The following MTNR1A variants were observed in gnomAD, a reference collection of about 807,000 sequenced individuals.
MTNR1A encodes melatonin receptor 1A.
A neutral mutation model predicts 5.5 loss-of-function variants in MTNR1A; 7 were observed. The observed-to-expected ratio is 1.28, with a 90% CI of 0.73 to 2.40. MTNR1A has a LOEUF of 2.40. Among genes scored for constraint, MTNR1A ranks in the 30% most tolerant of loss-of-function variants. The pLI, the probability that MTNR1A is intolerant of heterozygous loss-of-function variation, is 0.00. For missense variants in MTNR1A, 441 were observed against 464.4 expected, an observed-to-expected ratio of 0.95 and a Z score of 0.46; for synonymous variants, 196 against 202.7, an observed-to-expected ratio of 0.97 and a Z score of 0.28.
At position 186,533,962 on chromosome 4, in the gene MTNR1A, G is replaced by A. The variant is rs759350166; in HGVS notation, c.780C>T (p.Ala260=). 13 of 1,613,990 alleles carry A rather than the reference G, an allele frequency of 8.1e-6. No individual in the cohort carries two copies. Among genetic ancestry groups the A allele is most frequent in the East Asian group, 2.2e-5 (1 of 44,894 alleles). The change falls in exon 2 of 2, where the codon GCC becomes GCT. Residue 260 remains alanine, a synonymous_variant. Transcript: ENST00000307161. ...CWAPLNFIGL[A]VASDPASMVP... is the part of the protein sequence containing the mutation. ...CCATGCTGGCGGGGTCAGAGGCCAC[G>A]GCCAGGCCAATGAAGTTCAGAGGAG...
chr4:186,548,832 T>TATATAG (rs1737209125), intron 1 of MTNR1A, among the ~76,000 whole-genome samples: 1 of 101,338 alleles, frequency 9.9e-6, no homozygotes, highest in Non-Finnish European at 2.0e-5. Context: ...TATATATATA[T>TATATAG]ATATATATAT....
rs1737351818 is a variant in MTNR1A at position 186,555,442 on chromosome 4, C to T, written c.-77G>A. The T allele has an allele frequency of 2.5e-6, 3 of 1,205,550 alleles. No homozygotes were observed. The highest frequency in any genetic ancestry group is 2.1e-6 in the Non-Finnish European group (2 of 952,630). 74.7% of individuals were successfully genotyped at this position (1,205,550 alleles called of 1,614,324 possible). ...CCCGACCACTTGTTAAGGCTCCGCC[C>T]GGCGCTCCCCGCGCCCACGCCCCAT... On this transcript the variant is annotated 5_prime_UTR_variant, in exon 1 of 2. Coordinates refer to ENST00000307161, the MANE Select transcript of MTNR1A (RefSeq NM_005958.4). This position sits in a 1 kb window ranked among gnomAD's most constrained non-coding sequence, Gnocchi z 4.1.
chr4:186,550,636 A>G (rs1223328665), intron 1 of MTNR1A, among the ~76,000 whole-genome samples: 1 of 152,198 alleles, frequency 6.6e-6, no homozygotes, highest in Non-Finnish European at 1.5e-5. Flanking sequence ...ATCTAGGACT[A>G]TTTTATCCTA....
intron 1 of MTNR1A, among the ~76,000 whole-genome samples, chr4:186,544,305 C>G (rs113813635): frequency 0.011 from 1,715 of 152,326 alleles, 36 homozygotes; most frequent in African/African-American, 0.039. Context: ...AGGCGTGAGC[C>G]ACCATGCCCG....
At chr4:186,540,897 T>TGA (rs1737007110) in intron 1 of MTNR1A, among the ~76,000 whole-genome samples, 1 of 51,220 alleles carries the variant, frequency 2.0e-5, no homozygotes, top group African/African-American at 1.0e-4. Context: ...GTGCTGTCTG[T>TGA]CTGAAGGACC....
chr4:186,555,083 T>A lies in MTNR1A; in HGVS notation c.184+99A>T. Reference sequence around the variant, plus strand: ...AGGAAAAATAACTCCAAGTCCGCAGTGTTTAGGAAAAAGAACCAAGTGCTT... The same window carrying A: ...AGGAAAAATAACTCCAAGTCCGCAGAGTTTAGGAAAAAGAACCAAGTGCTT... On this transcript the variant is annotated intron_variant, in intron 1 of 1. Transcript: ENST00000307161. The surrounding 1 kb of genome is among the most constrained non-coding windows in gnomAD (Gnocchi z 4.1). The A allele has an allele frequency of 7.8e-7, 1 of 1,279,128 alleles. No homozygotes were observed. Among genetic ancestry groups the A allele is most frequent in the Admixed American group, 2.0e-5 (1 of 50,132 alleles). 79.2% of individuals were successfully genotyped at this position (1,279,128 alleles called of 1,614,324 possible).
In MTNR1A at chr4:186,555,306, G is replaced by T; in HGVS notation, c.60C>A (p.Gly20=). ...NASQPVLRGD[G]ARPSWLASAL... ...CGGACGCCAGCCACGAGGGCCGCGCGCCGTCCCCGCGGAGCACGGGCTGGG... is the reference window on the plus strand; with the variant it reads ...CGGACGCCAGCCACGAGGGCCGCGCTCCGTCCCCGCGGAGCACGGGCTGGG... Residue 20 remains glycine (G), a synonymous_variant, in exon 1 of 2, where the codon GGC becomes GGA. Coordinates refer to ENST00000307161, the MANE Select transcript of MTNR1A (RefSeq NM_005958.4). This position sits in a 1 kb window ranked among gnomAD's most constrained non-coding sequence, Gnocchi z 4.1. 1 of 1,547,476 alleles carries T rather than the reference G, an allele frequency of 6.5e-7. No individual in the cohort carries two copies. Among genetic ancestry groups the T allele is most frequent in the South Asian group, 1.2e-5 (1 of 83,918 alleles).
intron 1 of MTNR1A, among the ~76,000 whole-genome samples, chr4:186,552,861 AT>A: frequency 6.6e-6 from 1 of 152,348 alleles, no homozygotes; most frequent in East Asian, 1.9e-4. Flanking sequence ...CTATTATCAA[AT>A]TGTGGACAAG....
rs146810987 is a variant in MTNR1A, at chr4:186,555,087, T to G, written c.184+95A>C. On this transcript the variant is annotated intron_variant, in intron 1 of 1. Transcript: ENST00000307161. The surrounding 1 kb of genome is among the most constrained non-coding windows in gnomAD (Gnocchi z 4.1). The stretch of plus-strand genomic sequence containing the variant: ...AAAATAACTCCAAGTCCGCAGTGTT[T>G]AGGAAAAAGAACCAAGTGCTTGGGG... 118 of 1,323,036 alleles carry G rather than the reference T, an allele frequency of 8.9e-5. No homozygotes were observed. The African/African-American group carries it at 1.6e-3, about 18-fold the overall frequency. The allele number at this position is 1,323,036 out of a possible 1,614,324, so 82.0% of individuals were successfully genotyped here. A position where few individuals can be genotyped will look rare whatever the true frequency, so the allele number is the denominator to read the frequency against.
intron 1 of MTNR1A, among the ~76,000 whole-genome samples, chr4:186,548,483 T>TTACACATCAGA (rs1737201296): frequency 6.6e-6 from 1 of 152,036 alleles, no homozygotes; most frequent in African/African-American, 2.4e-5. Context: ...AAAAATATGT[T>TTACACATCAGA]TACACATCAG....
intron 1 of MTNR1A, among the ~76,000 whole-genome samples, chr4:186,546,792 G>A (rs1737157271): frequency 2.1e-5 from 3 of 145,830 alleles, no homozygotes; most frequent in African/African-American, 5.3e-5. Context: ...CCCTGTTCAT[G>A]GGACACACCG....
In MTNR1A at chr4:186,536,343, T is replaced by C. The variant is rs530765130; in HGVS notation, c.185-1786A>G. On this transcript the variant is annotated intron_variant, in intron 1 of 1. Transcript: ENST00000307161. Reference sequence around the variant, plus strand: ...CCTGGGTGACAAGAGCAAAACTCCGTATCAAAAAAAAAAAAGAAAAAAAAG... The same window carrying C: ...CCTGGGTGACAAGAGCAAAACTCCGCATCAAAAAAAAAAAAGAAAAAAAAG... Among the ~76,000 whole-genome samples the C allele has an allele frequency of 9.7e-5, 14 of 144,234 alleles. No individual in the cohort carries two copies. The South Asian group carries it at 3.1e-3, about 31-fold the overall frequency. 94.6% of individuals were successfully genotyped at this position (144,234 alleles called of 152,430 possible). A position where few individuals can be genotyped will look rare whatever the true frequency, so the allele number is the denominator to read the frequency against.
intron 1 of MTNR1A, among the ~76,000 whole-genome samples, chr4:186,547,119 G>C (rs1349639424): frequency 6.9e-5 from 1 of 14,430 alleles, no homozygotes. Context: ...GGGACACACC[G>C]TCCTCACACC....
In MTNR1A at chr4:186,534,193, G is replaced by A; in HGVS notation, c.549C>T (p.Val183=). ...CCACGGCGATGGTGTAGGCGGAGCT[G>A]ACGGACTGGGCGAAGGTGCACGAGT... is the stretch of plus-strand genomic sequence containing the variant. ...RIYSCTFAQS[V]SSAYTIAVVV... is the part of the protein sequence containing the mutation. Residue 183 remains valine, a synonymous_variant, in exon 2 of 2, where the codon GTC becomes GTT. Coordinates refer to ENST00000307161, the MANE Select transcript of MTNR1A (RefSeq NM_005958.4). The A allele has an allele frequency of 1.2e-6, 2 of 1,613,662 alleles. No individual in the cohort carries two copies. The highest frequency in any genetic ancestry group is 1.3e-5 in the African/African-American group (1 of 75,030).
intron 1 of MTNR1A, among the ~76,000 whole-genome samples, chr4:186,538,251 G>A (rs767222655): frequency 2.0e-5 from 3 of 152,224 alleles, no homozygotes; most frequent in Non-Finnish European, 4.4e-5. Flanking sequence ...GTACCTGGCC[G>A]AGGGTTAATC....
At chr4:186,552,791 C>A (rs911308764) in intron 1 of MTNR1A, among the ~76,000 whole-genome samples, 1 of 152,162 alleles carries the variant, frequency 6.6e-6, no homozygotes, top group African/African-American at 2.4e-5. Context: ...CGTTCCATTG[C>A]GGGAATCGTC....
intron 1 of MTNR1A, among the ~76,000 whole-genome samples, chr4:186,546,722 A>G (rs1479339712): frequency 2.2e-5 from 3 of 135,928 alleles, no homozygotes; most frequent in African/African-American, 6.0e-5. Context: ...CATCCACACC[A>G]CACCCTGTTC....
chr4:186,553,598 G>A (rs896897044), intron 1 of MTNR1A, among the ~76,000 whole-genome samples: 3 of 152,114 alleles, frequency 2.0e-5, no homozygotes, highest in Non-Finnish European at 2.9e-5. Context: ...TGCAACTTCC[G>A]CCTCCCGGGT....
Position 186,534,252 on chromosome 4 carries a change from G to A in MTNR1A, c.490C>T (p.Arg164Cys), listed in dbSNP as rs778736102. ...GGGTCGTACTGGAGAGTCCCTGCAC[G>A]GAGGTTGGGCAGGACGGCCGCCAGC... Reference protein sequence around the residue: ...LTLAAVLPNLRAGTLQYDPRI... With the variant: ...LTLAAVLPNLCAGTLQYDPRI... The change falls in exon 2 of 2, where the codon CGT (arginine) becomes TGT (cysteine). Residue 164 changes from arginine to cysteine, a missense_variant. Physicochemically the swap from Arg to Cys is radical, Grantham distance 180. Coordinates refer to ENST00000307161, the MANE Select transcript of MTNR1A (RefSeq NM_005958.4). 4.3e-6 allele frequency: 7 copies of A among 1,614,160 alleles called. No homozygotes were observed. Among genetic ancestry groups the A allele is most frequent in the Admixed American group, 1.7e-5 (1 of 60,020 alleles).
Sources: allele counts gnomAD v4.1 joint callset (sites outside exome capture counted in the v4.1 genomes callset), GRCh38; gene constraint gnomAD v4.1.1; non-coding constraint Gnocchi (gnomAD v3.1); transcripts MANE v1.5; gene names NCBI Gene and HGNC (gene_info 2026-07-23, HGNC 2026-07-21).